RASEF: variants seen among roughly 807,000 people sequenced by gnomAD.
The protein encoded by RASEF is RAS and EF-hand domain containing, also known as ras and EF-hand domain-containing protein.
In RASEF, 68 loss-of-function variants were observed where a neutral mutation model predicts 90.1. The observed-to-expected ratio is 0.75, with a 90% CI of 0.62 to 0.92. The LOEUF is 0.92. RASEF is among the 40% of genes least tolerant of loss of function. The pLI, the probability that RASEF is intolerant of heterozygous loss-of-function variation, is 0.00. For synonymous variants in RASEF, 331 were observed against 345.2 expected (o/e 0.96, Z 0.46); for missense variants, 949 against 937.2 (o/e 1.01, Z -0.16).
intron 6 of RASEF, 68 bp from the exon 7 acceptor site, chr9:83,007,573 T>C (rs1189322285): frequency 8.3e-6 from 9 of 1,086,832 alleles, no homozygotes; most frequent in Non-Finnish European, 1.3e-5. Flanking sequence ...ATACCTACCC[T>C]CCCAGACCCT....
the RASEF span, among the ~76,000 whole-genome samples, chr9:83,188,148 G>A: frequency 6.6e-6 from 1 of 152,104 alleles, no homozygotes; most frequent in African/African-American, 2.4e-5. Context: ...CTCCCTGATA[G>A]CATAAAAGTA....
At chr9:83,070,750 G>T in the RASEF span, among the ~76,000 whole-genome samples, 1 of 152,040 alleles carries the variant, frequency 6.6e-6, no homozygotes, top group Admixed American at 6.6e-5. Context: ...TATTGAATCT[G>T]CCCATCAATG....
the RASEF span, among the ~76,000 whole-genome samples, chr9:83,142,937 CTATGATGT>C: frequency 6.6e-6 from 1 of 152,142 alleles, no homozygotes; most frequent in African/African-American, 2.4e-5. Flanking sequence ...TCAGAGTTCT[CTATGATGT>C]TATGGGATCC....
At chr9:83,085,653 C>A in the RASEF span, among the ~76,000 whole-genome samples, 4 of 151,966 alleles carry the variant, frequency 2.6e-5, no homozygotes, top group African/African-American at 9.7e-5. Flanking sequence ...TGGCCGGGCG[C>A]AGTGGCTCAC....
At chr9:83,019,614 A>G (rs755935408) in intron 3 of RASEF, among the ~76,000 whole-genome samples, 3 of 152,240 alleles carry the variant, frequency 2.0e-5, no homozygotes, top group Non-Finnish European at 4.4e-5. Flanking sequence ...GCCTCTATAA[A>G]GACTTGTACA....
chr9:83,087,618 T>C, the RASEF span, among the ~76,000 whole-genome samples: 1 of 152,116 alleles, frequency 6.6e-6, no homozygotes, highest in Non-Finnish European at 1.5e-5. Context: ...GTGGGTAATG[T>C]CCTTTCTTTC....
At chr9:83,116,917 A>C in the RASEF span, among the ~76,000 whole-genome samples, 4 of 152,218 alleles carry the variant, frequency 2.6e-5, no homozygotes, top group Non-Finnish European at 5.9e-5. Flanking sequence ...ATCTAGCAGA[A>C]TATTTTTCTT....
chr9:83,153,963 G>C, the RASEF span, among the ~76,000 whole-genome samples: 2 of 152,202 alleles, frequency 1.3e-5, no homozygotes, highest in Non-Finnish European at 2.9e-5. Flanking sequence ...AGGCTGCATG[G>C]AATAGTGGAG....
intron 16 of RASEF, 78 bp downstream of exon 16, chr9:82,990,313 T>A (rs1826105583): frequency 6.4e-6 from 6 of 937,834 alleles, no homozygotes. Flanking sequence ...ATATATTCTA[T>A]CTGCACATTA....
chr9:83,135,720 A>C, the RASEF span, among the ~76,000 whole-genome samples: 2 of 152,288 alleles, frequency 1.3e-5, no homozygotes, highest in East Asian at 3.9e-4. Flanking sequence ...TGATGCAAAC[A>C]CAACCTGAAT....
chr9:83,015,268 AC>A (rs1378369355), intron 4 of RASEF, among the ~76,000 whole-genome samples: 1 of 152,218 alleles, frequency 6.6e-6, no homozygotes, highest in Admixed American at 6.5e-5. Context: ...GCTGGTGAAG[AC>A]CAAGGAAAGC....
At chr9:83,149,149 A>G in the RASEF span, among the ~76,000 whole-genome samples, 1 of 152,218 alleles carries the variant, frequency 6.6e-6, no homozygotes, top group East Asian at 1.9e-4. Flanking sequence ...CCTCCAGGAA[A>G]GAGCCTGCTC....
At chr9:83,160,687 A>T in the RASEF span, among the ~76,000 whole-genome samples, 9 of 152,176 alleles carry the variant, frequency 5.9e-5, no homozygotes, top group African/African-American at 9.7e-5. Flanking sequence ...CCCCAAGATA[A>T]TGGGGAAAAT....
chr9:83,178,213 C>A, the RASEF span, among the ~76,000 whole-genome samples: 1 of 152,116 alleles, frequency 6.6e-6, no homozygotes, highest in Non-Finnish European at 1.5e-5. Context: ...GGGGTAAAAT[C>A]TCTTCTCTTC....
At chr9:83,018,939 TG>T (rs1426354867) in intron 3 of RASEF, among the ~76,000 whole-genome samples, 2 of 152,124 alleles carry the variant, frequency 1.3e-5, no homozygotes, top group African/African-American at 4.8e-5. Flanking sequence ...AATAAAGGTG[TG>T]GGAACAATTG....
At chr9:83,023,715 T>A (rs1182492414) in intron 2 of RASEF, among the ~76,000 whole-genome samples, 1 of 152,184 alleles carries the variant, frequency 6.6e-6, no homozygotes, top group Non-Finnish European at 1.5e-5. Flanking sequence ...AAACTGTGTA[T>A]CTCCATAGCA....
the RASEF span, among the ~76,000 whole-genome samples, chr9:83,180,625 G>A: frequency 6.6e-6 from 1 of 152,018 alleles, no homozygotes; most frequent in Non-Finnish European, 1.5e-5. Context: ...AAAGGAGCTA[G>A]CATTTATTGT....
chr9:83,019,697 T>C (rs1829408358), intron 3 of RASEF, among the ~76,000 whole-genome samples: 1 of 152,224 alleles, frequency 6.6e-6, no homozygotes, highest in African/African-American at 2.4e-5. Context: ...TACAGATGAA[T>C]GGCTAAACAC....
chr9:82,995,417 T>C (rs779145541), intron 14 of RASEF, among the ~76,000 whole-genome samples: 11 of 152,188 alleles, frequency 7.2e-5, no homozygotes, highest in Non-Finnish European at 1.3e-4. Context: ...TGAGTAGCCA[T>C]TGCTCCTCTA....
Sources: allele counts gnomAD v4.1 joint callset (sites outside exome capture counted in the v4.1 genomes callset), GRCh38; gene constraint gnomAD v4.1.1; transcripts MANE v1.5; gene names NCBI Gene and HGNC (gene_info 2026-07-23, HGNC 2026-07-21).